RNF213: variants seen among roughly 807,000 people sequenced by gnomAD.
RNF213 encodes E3 ubiquitin-protein ligase RNF213.
Under a neutral mutation model 514.4 loss-of-function variants are expected in RNF213, and 341 were observed. The observed-to-expected ratio is 0.66, with a 90% CI of 0.61 to 0.73. The LOEUF (loss-of-function observed/expected upper bound fraction) is 0.73, where lower values mean the gene tolerates loss of function less well. Ranked by LOEUF, RNF213 falls within the 30% of genes least tolerant of loss-of-function variation. The probability of loss-of-function intolerance (pLI) is 0.00; values close to 1 mark genes in which losing one functional copy is unlikely to be tolerated. For synonymous variants in RNF213, 2,655 were observed against 2,658.2 expected (o/e 1.00, Z 0.04); for missense variants, 5,767 against 6,615.6 (o/e 0.87, Z 4.45).
At position 80,353,561 on chromosome 17, in the gene RNF213, G is replaced by A. The variant is rs752400604; in HGVS notation, c.10473G>A (p.Thr3491=). The A allele has an allele frequency of 2.5e-5, 41 of 1,613,720 alleles. No homozygotes were observed. The highest frequency in any genetic ancestry group is 5.5e-5 in the South Asian group (5 of 91,038). Reference sequence around the variant, plus strand: ...ACGGCCATGAGGAGGCGATGGAGACGGAGGCCAGCACATCAGGGGAGGTGG... The same window carrying A: ...ACGGCCATGAGGAGGCGATGGAGACAGAGGCCAGCACATCAGGGGAGGTGG... ...AEDGHEEAME[T]EASTSGEVAE... The change falls in exon 34 of 68, where the codon ACG becomes ACA. Residue 3491 remains threonine, a synonymous_variant. Transcript: ENST00000582970. This position sits in a 1 kb window ranked among gnomAD's most constrained non-coding sequence, Gnocchi z 5.0.
At position 80,288,474 on chromosome 17, in the gene RNF213, G is replaced by C; in HGVS notation, c.810+111G>C. The C allele has an allele frequency of 1.3e-6, 2 of 1,592,682 alleles. No individual in the cohort carries two copies. Among genetic ancestry groups the C allele is most frequent in the Non-Finnish European group, 1.7e-6 (2 of 1,166,412 alleles). ...TGCCGGGGGGAGGGGCGTCCTCTGG[G>C]CCCTGCTCCCTGGGTGGGAGTCGGA... On this transcript the variant is annotated intron_variant, in intron 4 of 67. Coordinates refer to ENST00000582970, the MANE Select transcript of RNF213 (RefSeq NM_001256071.3). The surrounding 1 kb of genome is among the most constrained non-coding windows in gnomAD (Gnocchi z 4.9).
At chr17:80,287,504 A>G (rs557502662) in intron 3 of RNF213, among the ~76,000 whole-genome samples, 1 of 152,292 alleles carries the variant, frequency 6.6e-6, no homozygotes, top group African/African-American at 2.4e-5. Context: ...CTTGTCTCAA[A>G]TAAATAAATA....
intron 2 of RNF213, among the ~76,000 whole-genome samples, chr17:80,270,026 T>C (rs2043765943): frequency 6.6e-6 from 1 of 152,250 alleles, no homozygotes; most frequent in Admixed American, 6.5e-5. Context: ...TTCCTCACCC[T>C]GGGCCAGGAC....
At chr17:80,291,896 G>T in intron 8 of RNF213, 69 bp downstream of exon 8, 1 of 1,535,708 alleles carries the variant, frequency 6.5e-7, no homozygotes. Context: ...GGTACTGGAC[G>T]CGTCTCTCTG....
At position 80,268,054 on chromosome 17, in the gene RNF213, C is replaced by A. The variant is rs2043668243; in HGVS notation, c.97+4276C>A. Among the ~76,000 whole-genome samples the A allele has an allele frequency of 2.0e-5, 3 of 152,072 alleles. No individual in the cohort carries two copies. In the South Asian group the frequency reaches 6.2e-4, roughly 31 times the overall value. On this transcript the variant is annotated intron_variant, in intron 2 of 67. Transcript: ENST00000582970. ...TTGCTGGTCTCCAACTCCTTGACCT[C>A]AAGTGATCCCCCTGCCTCTGCCTCC...
In RNF213 at chr17:80,339,746, G is replaced by C; in HGVS notation, c.5379G>C (p.Leu1793=). Residue 1793 remains leucine, a synonymous_variant, in exon 26 of 68, where the codon CTG becomes CTC. Transcript: ENST00000582970. ...CCATGAGGTGCCTTCCTGCCTTCCT[G>C]CCCGACTGCCTCGACCTAGAGACCC... ...EQSMRCLPAF[L]PDCLDLETLG... 1.3e-6 allele frequency: 2 copies of C among 1,537,120 alleles called. No homozygotes were observed. Among genetic ancestry groups the C allele is most frequent in the Non-Finnish European group, 1.7e-6 (2 of 1,146,844 alleles).
chr17:80,354,113 T>C lies in RNF213; in HGVS notation c.10673T>C (p.Met3558Thr). 6.2e-7 allele frequency: 1 copy of C among 1,614,060 alleles called. No individual in the cohort carries two copies. Among genetic ancestry groups the C allele is most frequent in the Non-Finnish European group, 8.5e-7 (1 of 1,180,038 alleles). ...RDQNESCTRN[M>T]RRVVLLLGLL... ...CAGAACGAGAGCTGCACGCGCAATATGCGGAGGGTGGTGCTCCTCCTGGGC... is the reference window on the plus strand; with the variant it reads ...CAGAACGAGAGCTGCACGCGCAATACGCGGAGGGTGGTGCTCCTCCTGGGC... The change falls in exon 35 of 68, where the codon ATG (methionine) becomes ACG (threonine). Residue 3558 changes from methionine to threonine, a missense_variant. By Grantham distance (81) the Met-to-Thr change is moderately conservative. Coordinates refer to ENST00000582970, the MANE Select transcript of RNF213 (RefSeq NM_001256071.3).
At chr17:80,388,492 G>A in intron 63 of RNF213, 120 bp from the exon 64 acceptor site, 1 of 768,932 alleles carries the variant, frequency 1.3e-6, no homozygotes, top group South Asian at 1.4e-5. Flanking sequence ...CTTAGCCAAG[G>A]GATACACAGG....
chr17:80,307,866 T>G (rs543340295), intron 13 of RNF213, among the ~76,000 whole-genome samples: 6 of 151,860 alleles, frequency 4.0e-5, no homozygotes, highest in East Asian at 3.9e-4. Flanking sequence ...TTTTTTTTTT[T>G]TTTTTTTTTT....
At chr17:80,315,910 A>ATGG (rs2045928353) in intron 15 of RNF213, 1 of 17,392 alleles carries the variant, frequency 5.7e-5, no homozygotes. Flanking sequence ...GATGGTGGTG[A>ATGG]TGGAGGTGGT....
rs972629023 is a variant in RNF213 at position 80,347,824 on chromosome 17, C to T, written c.9489C>T (p.Ile3163=). The change falls in exon 29 of 68, where the codon ATC becomes ATT. Residue 3163 remains isoleucine (I), a synonymous_variant. Coordinates refer to ENST00000582970, the MANE Select transcript of RNF213 (RefSeq NM_001256071.3). The surrounding 1 kb of genome is among the most constrained non-coding windows in gnomAD (Gnocchi z 7.2). ...ACGTCGTGTACAAACACTTTCCCAT[C>T]CCCCTCATTAACCGGCTGGAGAAGC... ...EKDVVYKHFP[I]PLINRLEKHY... is the part of the protein sequence containing the mutation. 3 of 1,614,042 alleles carry T rather than the reference C, an allele frequency of 1.9e-6. No individual in the cohort carries two copies. The African/African-American group carries it at 4.0e-5, about 22-fold the overall frequency.
intron 2 of RNF213, among the ~76,000 whole-genome samples, chr17:80,268,892 G>T (rs1262221327): frequency 6.6e-6 from 1 of 152,140 alleles, no homozygotes; most frequent in Non-Finnish European, 1.5e-5. Flanking sequence ...AAAGAAAGAA[G>T]CCAGTAGTTG....
chr17:80,392,112 A>C (rs2080500251), intron 67 of RNF213, among the ~76,000 whole-genome samples: 1 of 151,862 alleles, frequency 6.6e-6, no homozygotes, highest in Admixed American at 6.6e-5. Flanking sequence ...TTTATTCACC[A>C]GTTTATGTTT....
chr17:80,274,003 G>A (rs534607981), intron 3 of RNF213, among the ~76,000 whole-genome samples: 10 of 152,124 alleles, frequency 6.6e-5, no homozygotes, highest in Non-Finnish European at 1.0e-4. Flanking sequence ...AGCTTCTGCC[G>A]TGTGTATCTG....
At chr17:80,282,247 C>A (rs1253659910) in intron 3 of RNF213, among the ~76,000 whole-genome samples, 4 of 152,228 alleles carry the variant, frequency 2.6e-5, no homozygotes, top group African/African-American at 9.6e-5. Flanking sequence ...CTACACGGTG[C>A]GGTGTTGCTC....
Position 80,317,086 on chromosome 17 carries a change from C to A in RNF213, c.2812-102C>A. ...GAGCCCTGGTGTTCGCGGAGTCCCGCGCTCTCTGTATTGCCGTAATGCTCT... is the reference window on the plus strand; with the variant it reads ...GAGCCCTGGTGTTCGCGGAGTCCCGAGCTCTCTGTATTGCCGTAATGCTCT... On this transcript the variant is annotated intron_variant, in intron 15 of 67. Coordinates refer to ENST00000582970, the MANE Select transcript of RNF213 (RefSeq NM_001256071.3). The surrounding 1 kb of genome is among the most constrained non-coding windows in gnomAD (Gnocchi z 4.1). 7.8e-7 allele frequency: 1 copy of A among 1,275,550 alleles called. No individual in the cohort carries two copies. The highest frequency in any genetic ancestry group is 1.1e-6 in the Non-Finnish European group (1 of 892,206). 79.0% of individuals were successfully genotyped at this position (1,275,550 alleles called of 1,614,324 possible).
intron 3 of RNF213, among the ~76,000 whole-genome samples, chr17:80,275,504 T>C (rs2044021689): frequency 6.6e-6 from 1 of 151,872 alleles, no homozygotes; most frequent in Non-Finnish European, 1.5e-5. Flanking sequence ...CCATGAATAA[T>C]GAGGAATCTA....
chr17:80,380,302 T>G (rs2079937469), intron 55 of RNF213, among the ~76,000 whole-genome samples: 1 of 152,246 alleles, frequency 6.6e-6, no homozygotes, highest in Admixed American at 6.5e-5. Context: ...GACTGTTCCC[T>G]GCAGTCACAG....
rs1357889509 is a variant in RNF213 at position 80,315,498 on chromosome 17, GTGGTGGTGGAGGTAC to G, written c.2812-1686_2812-1672del. On this transcript the variant is annotated intron_variant, in intron 15 of 67. Transcript: ENST00000582970. The stretch of plus-strand genomic sequence containing the variant: ...GGAGGTAATGGAGGTGGTGGTGGTG[GTGGTGGTGGAGGTAC>G]TGGAGGTGATGGTGGAGGTACTGGA... 2.6e-4 allele frequency among the ~76,000 whole-genome samples: 2 copies of G among 7,810 alleles called. 1 individual carries two copies. Among genetic ancestry groups the G allele is most frequent in the Non-Finnish European group, 5.0e-4 (2 of 4,000 alleles). The allele number at this position is 7,810 out of a possible 152,430, so 5.1% of individuals were successfully genotyped here. A position where few individuals can be genotyped will look rare whatever the true frequency, so the allele number is the denominator to read the frequency against.
Sources: gnomAD v4.1 joint callset for allele counts (sites outside exome capture counted in the v4.1 genomes callset) on GRCh38, gnomAD v4.1.1 for gene constraint, Gnocchi (gnomAD v3.1) non-coding constraint, MANE v1.5 for transcripts, NCBI Gene and HGNC (gene_info 2026-07-23, HGNC 2026-07-21) for gene names.